LIPA: variants seen among roughly 807,000 people sequenced by gnomAD.
The protein encoded by LIPA is lipase A, lysosomal acid type.
A neutral mutation model predicts 40.6 loss-of-function variants in LIPA; 26 were observed. The observed-to-expected ratio is 0.64, with a 90% CI of 0.47 to 0.89. LIPA has a LOEUF of 0.89. Among genes scored for constraint, LIPA ranks in the 40% least tolerant of loss-of-function variants. The probability of loss-of-function intolerance (pLI) is 0.00; values close to 1 mark genes in which losing one functional copy is unlikely to be tolerated. For missense variants in LIPA, 455 were observed against 479.6 expected (o/e 0.95, Z 0.48); for synonymous variants, 188 against 168.4 (o/e 1.12, Z -0.90).
chr10:89,328,102 T>C (rs1222835407), intron 1 of LIPA: 1 of 1,612,524 alleles, frequency 6.2e-7, no homozygotes, highest in Admixed American at 1.7e-5. Flanking sequence ...GAATGCATAA[T>C]CATGCTTGTT....
rs538896775 is a variant in LIPA, at chr10:89,411,346, TG to T, written c.61+1444del. 2.1e-3 allele frequency among the ~76,000 whole-genome samples: 325 copies of T among 151,968 alleles called. 1 individual carries two copies. Among genetic ancestry groups the T allele is most frequent in the African/African-American group, 7.4e-3 (308 of 41,438 alleles). On this transcript the variant is annotated intron_variant, in intron 2 of 8. Transcript: ENST00000371837. ...AATAAGGAAACTCTTGTAGAAGCAG[TG>T]TTAGGAAAATTGCCTAATAATTGGT...
intron 1 of LIPA, among the ~76,000 whole-genome samples, chr10:89,282,891 G>A (rs1472189873): frequency 6.6e-6 from 1 of 152,204 alleles, no homozygotes; most frequent in Non-Finnish European, 1.5e-5. Context: ...GAATTGGGCA[G>A]ACCTGGACTT....
At chr10:89,344,682 A>C (rs543101956), upstream of LIPA, among the ~76,000 whole-genome samples, 1 of 152,150 alleles carries the variant, frequency 6.6e-6, no homozygotes, top group Admixed American at 6.5e-5. Flanking sequence ...GCTCCCATGC[A>C]CCTAACAAAA....
At chr10:89,280,030 T>C (rs540107431) in intron 1 of LIPA, among the ~76,000 whole-genome samples, 2 of 152,246 alleles carry the variant, frequency 1.3e-5, no homozygotes, top group African/African-American at 4.8e-5. Flanking sequence ...AATACATTAA[T>C]TAAACATTAA....
chr10:89,398,079 T>C (rs1235445423), intron 2 of LIPA, among the ~76,000 whole-genome samples: 1 of 151,966 alleles, frequency 6.6e-6, no homozygotes, highest in East Asian at 1.9e-4. Flanking sequence ...TCCTATTCCC[T>C]CCTCCCCCAG....
intron 1 of LIPA, among the ~76,000 whole-genome samples, chr10:89,269,171 CA>C (rs58562225): frequency 2.8e-5 from 4 of 144,432 alleles, no homozygotes; most frequent in East Asian, 4.2e-4. Flanking sequence ...CTAAAAAATA[CA>C]AAAAAAAATT....
intron 2 of LIPA, among the ~76,000 whole-genome samples, chr10:89,366,882 T>G (rs958497937): frequency 2.0e-5 from 3 of 152,186 alleles, no homozygotes; most frequent in Non-Finnish European, 4.4e-5. Context: ...ACACGTATGT[T>G]TATTGCAGCA....
chr10:89,316,903 C>A (rs1479739627), intron 1 of LIPA, among the ~76,000 whole-genome samples: 1 of 152,104 alleles, frequency 6.6e-6, no homozygotes, highest in African/African-American at 2.4e-5. Context: ...CAGGCAGCAA[C>A]ATTTGCCTTT....
intron 3 of LIPA, 92 bp downstream of exon 3, chr10:89,245,584 C>T (rs778209676): frequency 6.4e-6 from 5 of 776,332 alleles, no homozygotes; most frequent in Non-Finnish European, 9.4e-6. Flanking sequence ...AAAAATAATC[C>T]CATTTCAATG....
intron 2 of LIPA, chr10:89,378,179 C>T (rs765970465): frequency 1.2e-6 from 2 of 1,610,884 alleles, no homozygotes; most frequent in African/African-American, 1.3e-5. Context: ...TATTTCTGCA[C>T]ACTTTGAAAT....
chr10:89,339,960 C>G (rs1564793861), intron 1 of LIPA: 1 of 1,614,136 alleles, frequency 6.2e-7, no homozygotes, highest in Admixed American at 1.7e-5. Flanking sequence ...TGCAAGCAGC[C>G]AAATGTTATG....
At chr10:89,359,213 A>G (rs1844005659) in intron 2 of LIPA, among the ~76,000 whole-genome samples, 1 of 152,162 alleles carries the variant, frequency 6.6e-6, no homozygotes, top group African/African-American at 2.4e-5. Context: ...AAGTCTGCCT[A>G]AGGCATATTT....
chr10:89,362,792 C>A, intron 2 of LIPA: 1 of 577,060 alleles, frequency 1.7e-6, no homozygotes, highest in Non-Finnish European at 2.8e-6. Context: ...AGGCCAAGGC[C>A]TGCTTTGAAA....
At chr10:89,402,750 C>T (rs751390523) in intron 2 of LIPA, 17 of 1,614,032 alleles carry the variant, frequency 1.1e-5, no homozygotes, top group Admixed American at 3.3e-5. Context: ...AAATTATGAA[C>T]GGGCCAAGGC....
intron 1 of LIPA, among the ~76,000 whole-genome samples, chr10:89,310,916 T>C (rs542904892): frequency 1.3e-5 from 2 of 152,244 alleles, no homozygotes; most frequent in Non-Finnish European, 2.9e-5. Flanking sequence ...ATAGTTTGTG[T>C]TATTTCTGAG....
At chr10:89,295,020 TGAAAGGAAAGGAAAGGAAAG>T (rs56297817) in intron 1 of LIPA, among the ~76,000 whole-genome samples, 265 of 106,650 alleles carry the variant, frequency 2.5e-3, no homozygotes, top group African/African-American at 8.6e-3. Context: ...GGAAATGAAA[TGAAAGGAAAGGAAAGGAAAG>T]GAAAGGAAAG....
intron 2 of LIPA, chr10:89,403,617 A>C: frequency 6.2e-7 from 1 of 1,614,144 alleles, no homozygotes; most frequent in Non-Finnish European, 8.5e-7. Context: ...GTTCGTCTAC[A>C]AATTGGAAGG....
chr10:89,361,788 G>A (rs144034826), intron 2 of LIPA, among the ~76,000 whole-genome samples: 11 of 147,738 alleles, frequency 7.4e-5, no homozygotes, highest in Admixed American at 4.1e-4. Context: ...ATGGAATGAC[G>A]TTGACAATGT....
chr10:89,315,620 C>T (rs1843537601), intron 1 of LIPA, among the ~76,000 whole-genome samples: 1 of 152,050 alleles, frequency 6.6e-6, no homozygotes, highest in South Asian at 2.1e-4. Context: ...GTATCAACTC[C>T]TTCAGAGCTC....
Sources: gnomAD v4.1 joint callset for allele counts (sites outside exome capture counted in the v4.1 genomes callset) on GRCh38, gnomAD v4.1.1 for gene constraint, MANE v1.5 for transcripts, NCBI Gene and HGNC (gene_info 2026-07-23, HGNC 2026-07-21) for gene names.